The following WWC1 variants were observed in gnomAD, a reference collection of about 807,000 sequenced individuals.
WWC1 encodes the protein protein KIBRA.
A neutral mutation model predicts 138.4 loss-of-function variants in WWC1; 55 were observed. The ratio of observed to expected loss-of-function variants is 0.40; its 90% CI spans 0.32 to 0.50. WWC1 has a LOEUF of 0.50. Among genes scored for constraint, WWC1 ranks in the 20% least tolerant of loss-of-function variants. The probability of loss-of-function intolerance (pLI) is 0.72; values close to 1 mark genes in which losing one functional copy is unlikely to be tolerated. For missense variants in WWC1, 1,226 were observed against 1,420.4 expected, an observed-to-expected ratio of 0.86 and a Z score of 2.20; for synonymous variants, 524 against 564.9, an observed-to-expected ratio of 0.93 and a Z score of 1.03.
chr5:168,385,340 G>A lies in WWC1; in HGVS notation c.359G>A (p.Arg120His), dbSNP rs770661252. 14 of 1,614,090 alleles carry A rather than the reference G, an allele frequency of 8.7e-6. No individual in the cohort carries two copies. Among genetic ancestry groups the A allele is most frequent in the South Asian group, 1.1e-5 (1 of 91,068 alleles). The change falls in exon 3 of 23, where the codon CGC (arginine) becomes CAC (histidine). Residue 120 changes from arginine (R) to histidine (H), a missense_variant. Transcript: ENST00000265293. ...GAGATCTACCAGGTGAAGCAGCAGC[G>A]CCTGGAGCTTGCACAGCAGGAGTAC... ...QKEIYQVKQQ[R>H]LELAQQEYQQ...
At chr5:168,313,594 C>CA (rs1771313029) in intron 1 of WWC1, among the ~76,000 whole-genome samples, 2 of 141,396 alleles carry the variant, frequency 1.4e-5, no homozygotes, top group African/African-American at 5.4e-5. Context: ...GTCTCAAAAA[C>CA]GAAAAAAAAA....
intron 17 of WWC1, among the ~76,000 whole-genome samples, chr5:168,448,329 G>A (rs1322733071): frequency 1.3e-5 from 2 of 152,122 alleles, no homozygotes; most frequent in Non-Finnish European, 2.9e-5. Context: ...CCAAAACCCG[G>A]CGTGTCACTG....
intron 3 of WWC1, 84 bp from the exon 4 acceptor site, chr5:168,397,640 A>G (rs2152829898): frequency 1.4e-6 from 2 of 1,394,416 alleles, no homozygotes; most frequent in East Asian, 2.3e-5. Context: ...TTCCCTTTCT[A>G]GGTTTATTTA....
intron 7 of WWC1, among the ~76,000 whole-genome samples, chr5:168,409,106 C>G (rs904611263): frequency 6.6e-6 from 1 of 152,188 alleles, no homozygotes; most frequent in African/African-American, 2.4e-5. Flanking sequence ...TTCCAAAGCT[C>G]AGTCCAGTCC....
At chr5:168,345,662 G>T (rs1774405095) in intron 1 of WWC1, among the ~76,000 whole-genome samples, 2 of 152,206 alleles carry the variant, frequency 1.3e-5, no homozygotes, top group Middle Eastern at 3.2e-3. Flanking sequence ...AGTAAATACT[G>T]ATGGCATGGA....
rs560811069 is a variant in WWC1 at position 168,410,481 on chromosome 5, C to T, written c.941+486C>T. Among the ~76,000 whole-genome samples the T allele has an allele frequency of 1.1e-4, 17 of 152,348 alleles. No homozygotes were observed. The South Asian group carries it at 3.5e-3, about 32-fold the overall frequency. On this transcript the variant is annotated intron_variant, in intron 8 of 22. Coordinates refer to ENST00000265293, the MANE Select transcript of WWC1 (RefSeq NM_015238.3). ...TCACAGAATCCTAAGCAATCAGGTT[C>T]CACTACCACAAGTAAAATCAAAATA...
At chr5:168,379,175 T>C (rs1777438291) in intron 2 of WWC1, among the ~76,000 whole-genome samples, 1 of 152,200 alleles carries the variant, frequency 6.6e-6, no homozygotes, top group Admixed American at 6.5e-5. Context: ...ATGTAGGAAA[T>C]TTTATAGTGC....
rs747092308 is a variant in WWC1, at chr5:168,423,842, A to G, written c.1584A>G (p.Pro528=). ...CTCTGCGTTCCCTGTCTGGCACCCC[A>G]AAGTCCATGACCTCCCTATCCCCAC... ...LQALRSLSGT[P]KSMTSLSPRS... The change falls in exon 11 of 23, where the codon CCA becomes CCG. Residue 528 remains proline, a synonymous_variant. Coordinates refer to ENST00000265293, the MANE Select transcript of WWC1 (RefSeq NM_015238.3). The G allele has an allele frequency of 6.2e-7, 1 of 1,613,962 alleles. No homozygotes were observed. The highest frequency in any genetic ancestry group is 8.5e-7 in the Non-Finnish European group (1 of 1,179,982).
chr5:168,420,455 T>G (rs11134512), intron 9 of WWC1, among the ~76,000 whole-genome samples: 65,516 of 151,888 alleles, frequency 0.43, 15,597 homozygotes, highest in East Asian at 0.77. Flanking sequence ...TCTCCAAATA[T>G]AATCACATTT....
At chr5:168,377,169 T>C (rs1777241971) in intron 2 of WWC1, among the ~76,000 whole-genome samples, 1 of 152,100 alleles carries the variant, frequency 6.6e-6, no homozygotes, top group Non-Finnish European at 1.5e-5. Flanking sequence ...GACAAAAATA[T>C]GCAGTGGGGA....
chr5:168,362,470 G>A (rs1260035349), intron 1 of WWC1, among the ~76,000 whole-genome samples: 5 of 152,242 alleles, frequency 3.3e-5, no homozygotes, highest in Non-Finnish European at 7.3e-5. Flanking sequence ...AGAGGCAGGA[G>A]TGACACATTA....
intron 10 of WWC1, 100 bp from the exon 11 acceptor site, chr5:168,423,433 G>C: frequency 7.4e-7 from 1 of 1,351,178 alleles, no homozygotes; most frequent in East Asian, 2.3e-5. Context: ...TGCCAAGCAA[G>C]TCTAGTGAGA....
chr5:168,431,452 C>A lies in WWC1; in HGVS notation c.2280+8C>A. On this transcript the variant is annotated splice_region_variant and intron_variant, in intron 15 of 22. Transcript: ENST00000265293. ...CATCTGGAAGAGTGCCTGGTAAGGGCCGTGTCTGGCTGGCTGGCTGGCTGG... is the reference window on the plus strand; with the variant it reads ...CATCTGGAAGAGTGCCTGGTAAGGGACGTGTCTGGCTGGCTGGCTGGCTGG... 2.5e-6 allele frequency: 4 copies of A among 1,574,798 alleles called. No homozygotes were observed. The highest frequency in any genetic ancestry group is 3.4e-6 in the Non-Finnish European group (4 of 1,169,542).
chr5:168,415,797 GT>G (rs1780568463), intron 9 of WWC1: 1 of 31,094 alleles, frequency 3.2e-5, no homozygotes, highest in African/African-American at 1.3e-4. Context: ...GTGTGTGTGT[GT>G]GGGGGGGGGG....
intron 1 of WWC1, among the ~76,000 whole-genome samples, chr5:168,320,298 G>T (rs1013435734): frequency 2.6e-5 from 4 of 152,194 alleles, no homozygotes; most frequent in African/African-American, 9.7e-5. Flanking sequence ...GCCTCCAAAA[G>T]TGCTGGGATT....
At chr5:168,389,597 G>GTTTTTTTT (rs55873477) in intron 3 of WWC1, among the ~76,000 whole-genome samples, 12 of 129,330 alleles carry the variant, frequency 9.3e-5, no homozygotes, top group Non-Finnish European at 1.1e-4. Flanking sequence ...TTGAATTTTT[G>GTTTTTTTT]TTTTTTTTTT....
intron 1 of WWC1, among the ~76,000 whole-genome samples, chr5:168,323,593 A>G (rs1772302361): frequency 6.6e-6 from 1 of 152,134 alleles, no homozygotes; most frequent in Non-Finnish European, 1.5e-5. Context: ...AGAAGGAAAA[A>G]AAGCTTGGAA....
At chr5:168,419,734 T>C (rs375830256) in intron 9 of WWC1, among the ~76,000 whole-genome samples, 2 of 152,130 alleles carry the variant, frequency 1.3e-5, no homozygotes, top group Admixed American at 1.3e-4. Context: ...ACAGGCTTGC[T>C]CGATAGGGCC....
At chr5:168,325,688 CTT>C (rs1226399871) in intron 1 of WWC1, among the ~76,000 whole-genome samples, 2 of 152,126 alleles carry the variant, frequency 1.3e-5, no homozygotes, top group Non-Finnish European at 2.9e-5. Flanking sequence ...AATTAATCAT[CTT>C]AACCATTTTC....
Sources: allele counts gnomAD v4.1 joint callset (sites outside exome capture counted in the v4.1 genomes callset), GRCh38; gene constraint gnomAD v4.1.1; transcripts MANE v1.5; gene names NCBI Gene and HGNC (gene_info 2026-07-23, HGNC 2026-07-21).